TRNAU1AP: variants seen among roughly 807,000 people sequenced by gnomAD.
TRNAU1AP encodes tRNA selenocysteine 1 associated protein 1.
A neutral mutation model predicts 43.3 loss-of-function variants in TRNAU1AP; 33 were observed. The ratio of observed to expected loss-of-function variants is 0.76; its 90% confidence interval spans 0.58 to 1.02. The LOEUF (loss-of-function observed/expected upper bound fraction) is 1.02. Among genes scored for constraint, TRNAU1AP ranks in the 50% least tolerant of loss-of-function variants. TRNAU1AP has a pLI of 0.00. For missense variants in TRNAU1AP, 290 were observed against 362.7 expected, an observed-to-expected ratio of 0.80 and a Z score of 1.63; for synonymous variants, 143 against 129.1, an observed-to-expected ratio of 1.11 and a Z score of -0.73.
At position 28,560,547 on chromosome 1, in the gene TRNAU1AP, A is replaced by G. The variant is rs532734248; in HGVS notation, c.126-86A>G. The stretch of plus-strand genomic sequence containing the variant: ...TGCCTTGGCCTCCCAAACTGTTGGG[A>G]TTATATGCGTGAGCCATCACGCCTG... On this transcript the variant is annotated intron_variant, in intron 2 of 8. Transcript: ENST00000373830. 82 of 1,104,692 alleles carry G rather than the reference A, an allele frequency of 7.4e-5. 2 individuals are homozygous for G. The South Asian group carries it at 1.0e-3, about 14-fold the overall frequency. 68.4% of individuals were successfully genotyped at this position (1,104,692 alleles called of 1,614,324 possible).
intron 2 of TRNAU1AP, among the ~76,000 whole-genome samples, chr1:28,558,844 C>T (rs1276420317): frequency 1.3e-5 from 2 of 152,044 alleles, no homozygotes; most frequent in East Asian, 3.9e-4. Context: ...GGATTACAGG[C>T]GTGAGCCACC....
Position 28,577,621 on chromosome 1 carries a change from CCCTG to C in TRNAU1AP, c.852_855del (p.Ala285Ter). 1 of 1,613,950 alleles carries C rather than the reference CCCTG, an allele frequency of 6.2e-7. No individual in the cohort carries two copies. The highest frequency in any genetic ancestry group is 8.5e-7 in the Non-Finnish European group (1 of 1,179,942). On this transcript the variant is annotated frameshift_variant, in exon 9 of 9. Transcript: ENST00000373830. LOFTEE classifies it high-confidence loss of function. The stretch of plus-strand genomic sequence containing the variant: ...CCCTGGACACAGTGTCTTCAGAGAT[CCCTG>C]CCATGATGTAGCCAGGCCAAAGGAC...
chr1:28,569,262 G>A (rs1665607413), intron 6 of TRNAU1AP, among the ~76,000 whole-genome samples: 1 of 152,160 alleles, frequency 6.6e-6, no homozygotes. Flanking sequence ...GCTGGGCTTG[G>A]TGTACTCCTC....
chr1:28,571,092 A>G (rs1470912043), intron 6 of TRNAU1AP, 84 bp from the exon 7 acceptor site: 2 of 1,367,604 alleles, frequency 1.5e-6, no homozygotes, highest in Non-Finnish European at 2.1e-6. Context: ...ATCGGTATAA[A>G]GCACTTAAAA....
intron 4 of TRNAU1AP, among the ~76,000 whole-genome samples, chr1:28,561,947 C>T (rs375124347): frequency 6.6e-6 from 1 of 151,976 alleles, no homozygotes; most frequent in Admixed American, 6.6e-5. Flanking sequence ...TGGCAGGCGC[C>T]TGTAGTCCCA....
rs2124181084 is a variant in TRNAU1AP, at chr1:28,553,589, G to A, written c.28-51G>A. The A allele has an allele frequency of 3.2e-6, 5 of 1,571,808 alleles. No individual in the cohort carries two copies. In the East Asian group the frequency reaches 9.0e-5, roughly 28 times the overall value. On this transcript the variant is annotated intron_variant, in intron 1 of 8. Transcript: ENST00000373830. ...AACGGGAGGGGCTCTGGAACCCGGA[G>A]TGGGAAGCCCGGCCGCCGGCCTGAG...
At chr1:28,561,598 T>G (rs1557433339) in intron 4 of TRNAU1AP, among the ~76,000 whole-genome samples, 200 bp downstream of exon 4, 1 of 152,206 alleles carries the variant, frequency 6.6e-6, no homozygotes, top group Non-Finnish European at 1.5e-5. Context: ...TGCCCCTGGC[T>G]TCCTACCCTG....
intron 5 of TRNAU1AP, chr1:28,565,344 A>G (rs558572339): frequency 6.4e-6 from 1 of 156,656 alleles, no homozygotes; most frequent in Admixed American, 6.5e-5. Flanking sequence ...AATTAGCCGG[A>G]TGTGGTGGTG....
intron 8 of TRNAU1AP, among the ~76,000 whole-genome samples, chr1:28,572,157 C>G (rs1318276244): frequency 6.6e-6 from 1 of 152,054 alleles, no homozygotes; most frequent in Non-Finnish European, 1.5e-5. Context: ...GGCATTCTAT[C>G]CTGGTATGTG....
intron 8 of TRNAU1AP, among the ~76,000 whole-genome samples, 190 bp from the exon 9 acceptor site, chr1:28,577,310 C>T (rs1261847405): frequency 2.0e-5 from 3 of 152,180 alleles, no homozygotes; most frequent in Admixed American, 6.6e-5. Context: ...CTGCCATTTT[C>T]CCATTCTCTA....
At position 28,567,274 on chromosome 1, in the gene TRNAU1AP, T is replaced by G. The variant is rs1665562024; in HGVS notation, c.411-20T>G. On this transcript the variant is annotated intron_variant, in intron 5 of 8. Transcript: ENST00000373830. ...CTTTAATCACATTTGTGATCTAAAT[T>G]GTATATTTTTTTCATGCAGGGGTTA... 2.5e-6 allele frequency: 4 copies of G among 1,610,762 alleles called. No individual in the cohort carries two copies. The highest frequency in any genetic ancestry group is 2.5e-6 in the Non-Finnish European group (3 of 1,179,094).
At chr1:28,563,683 CAA>C (rs879687976) in intron 4 of TRNAU1AP, among the ~76,000 whole-genome samples, 32 of 109,470 alleles carry the variant, frequency 2.9e-4, no homozygotes, top group African/African-American at 5.5e-4. Flanking sequence ...GACTCCGTCT[CAA>C]AAAAAAAAAA....
chr1:28,557,603 C>G (rs535379047), intron 2 of TRNAU1AP, among the ~76,000 whole-genome samples: 20 of 142,110 alleles, frequency 1.4e-4, no homozygotes, highest in Middle Eastern at 7.0e-3. Flanking sequence ...GTTTTGTTTT[C>G]TTTTGAGACA....
intron 7 of TRNAU1AP, 81 bp from the exon 8 acceptor site, chr1:28,571,786 A>AAAAAAAAAAAAAAATAAAT: frequency 9.9e-7 from 1 of 1,008,580 alleles, no homozygotes; most frequent in South Asian, 1.3e-5. Context: ...CCACCTCAAA[A>AAAAAAAAAAAAAAATAAAT]AAAATAAAAA....
chr1:28,565,487 T>TA (rs61222018), intron 5 of TRNAU1AP: 390 of 133,968 alleles, frequency 2.9e-3, no homozygotes, highest in East Asian at 3.6e-3. Flanking sequence ...TCTGTCTCCA[T>TA]AAAAAAAAAA....
intron 5 of TRNAU1AP, among the ~76,000 whole-genome samples, chr1:28,566,534 T>C (rs1665543035): frequency 6.6e-6 from 1 of 151,614 alleles, no homozygotes; most frequent in South Asian, 2.1e-4. Context: ...GGGTGGATCA[T>C]GAGGTCAGAA....
At chr1:28,559,554 G>A (rs748896302) in intron 2 of TRNAU1AP, among the ~76,000 whole-genome samples, 1 of 151,814 alleles carries the variant, frequency 6.6e-6, no homozygotes, top group Admixed American at 6.6e-5. Flanking sequence ...CTTGAATCTG[G>A]GAGGTGGAGG....
At chr1:28,573,263 C>T (rs1665701086) in intron 8 of TRNAU1AP, among the ~76,000 whole-genome samples, 1 of 66,222 alleles carries the variant, frequency 1.5e-5, no homozygotes, top group South Asian at 6.1e-4. Context: ...CAAACTCGAC[C>T]TCGTGATCCG....
Position 28,553,646 on chromosome 1 carries a change from C to T in TRNAU1AP, c.34C>T (p.Pro12Ser). 1 of 1,613,984 alleles carries T rather than the reference C, an allele frequency of 6.2e-7. No individual in the cohort carries two copies. The highest frequency in any genetic ancestry group is 8.5e-7 in the Non-Finnish European group (1 of 1,180,016). Residue 12 changes from proline to serine, a missense_variant, in exon 2 of 9, where the codon CCC becomes TCC. Around this residue, in one of 3 missense-constraint regions of TRNAU1AP, gnomAD observed 59 missense variants for 45.5 expected, o/e 1.30. Transcript: ENST00000373830. ...TGCTCTTGTTTTTACGCAGCTGGAA[C>T]CCTACATGGATGAGAACTTCATCTC... Reference protein sequence around the residue: ...AASLWMGDLEPYMDENFISRA... With the variant: ...AASLWMGDLESYMDENFISRA...
Sources: gnomAD v4.1 joint callset for allele counts (sites outside exome capture counted in the v4.1 genomes callset) on GRCh38, gnomAD v4.1.1 for gene constraint, gnomAD v4.1.1 regional missense constraint, MANE v1.5 for transcripts, NCBI Gene and HGNC (gene_info 2026-07-23, HGNC 2026-07-21) for gene names.